Variants in TTLL7 observed in about 807,000 individuals in gnomAD.
TTLL7 encodes the protein tubulin tyrosine ligase like 7, also known as tubulin polyglutamylase TTLL7.
A neutral mutation model predicts 120.2 loss-of-function variants in TTLL7; 53 were observed. The ratio of observed to expected loss-of-function variants is 0.44; its 90% CI spans 0.35 to 0.55. The LOEUF is 0.55. Ranked by LOEUF, TTLL7 falls within the 20% of genes least tolerant of loss-of-function variation. TTLL7 has a pLI of 0.00. For synonymous variants in TTLL7, 353 were observed against 351.7 expected (o/e 1.00, Z -0.04); for missense variants, 803 against 1,054.7 (o/e 0.76, Z 3.31).
Position 83,922,776 on chromosome 1 carries a change from ATGT to A in TTLL7, c.1143-1385_1143-1383del, listed in dbSNP as rs1658792057. Among the ~76,000 whole-genome samples, 2 of 148,788 alleles carry A rather than the reference ATGT, an allele frequency of 1.3e-5. 1 individual carries two copies. The highest frequency in any genetic ancestry group is 3.0e-5 in the Non-Finnish European group (2 of 67,022). ...AAAGAGGGCATAATTATATTTGTAT[ATGT>A]TAAAGATTATGCTCTTGGCAGTATA... is the stretch of plus-strand genomic sequence containing the variant. On this transcript the variant is annotated intron_variant, in intron 10 of 20. Transcript: ENST00000260505.
At chr1:83,889,931 T>G in intron 19 of TTLL7, 1 of 458,902 alleles carries the variant, frequency 2.2e-6, no homozygotes, top group East Asian at 6.9e-5. Flanking sequence ...TAAAAGGACA[T>G]GGAATGTTTG....
rs1188479651 is a variant in TTLL7, at chr1:83,917,609, GTCC to G, written c.1579_1581del (p.Gly527del). The G allele has an allele frequency of 1.2e-6, 2 of 1,610,224 alleles. No individual in the cohort carries two copies. The highest frequency in any genetic ancestry group is 1.7e-6 in the Non-Finnish European group (2 of 1,176,820). On this transcript the variant is annotated inframe_deletion, in exon 14 of 21. Coordinates refer to ENST00000260505, the MANE Select transcript of TTLL7 (RefSeq NM_024686.6). ...AAGGTAGAGATATACTGCACCTTTGGTCCTCGAGTCTTGGTAGTTTTTCCCATC... is the reference window on the plus strand; with the variant it reads ...AAGGTAGAGATATACTGCACCTTTGGTCGAGTCTTGGTAGTTTTTCCCATC...
intron 20 of TTLL7, among the ~76,000 whole-genome samples, chr1:83,870,616 A>G (rs1237598756): frequency 6.6e-6 from 1 of 152,238 alleles, no homozygotes; most frequent in Non-Finnish European, 1.5e-5. Context: ...ATTACAGAAT[A>G]TCAAAAACAA....
intron 18 of TTLL7, among the ~76,000 whole-genome samples, chr1:83,897,734 A>G (rs1398375114): frequency 1.3e-5 from 2 of 151,930 alleles, no homozygotes; most frequent in Admixed American, 1.3e-4. Flanking sequence ...GAGATCCACT[A>G]AAGTCTGAGG....
intron 19 of TTLL7, among the ~76,000 whole-genome samples, chr1:83,884,818 A>G (rs1332539269): frequency 6.6e-6 from 1 of 151,678 alleles, no homozygotes; most frequent in Non-Finnish European, 1.5e-5. Flanking sequence ...GCACATGTAT[A>G]CATGTGTAAC....
intron 20 of TTLL7, among the ~76,000 whole-genome samples, chr1:83,875,066 C>T (rs1328761669): frequency 2.0e-5 from 3 of 151,544 alleles, no homozygotes; most frequent in Non-Finnish European, 4.4e-5. Flanking sequence ...ATAAATGTTC[C>T]ATTGAATGAG....
chr1:83,905,282 A>T (rs533169055), intron 17 of TTLL7, among the ~76,000 whole-genome samples: 1 of 151,952 alleles, frequency 6.6e-6, no homozygotes, highest in Non-Finnish European at 1.5e-5. Flanking sequence ...AATATATATA[A>T]CAACAAAATA....
chr1:83,953,582 T>C (rs1443044120), intron 1 of TTLL7, among the ~76,000 whole-genome samples: 2 of 152,182 alleles, frequency 1.3e-5, no homozygotes, highest in Non-Finnish European at 2.9e-5. Context: ...GGGGAACTTT[T>C]ATTTATTACA....
chr1:83,994,315 A>G (rs988769130), intron 1 of TTLL7, among the ~76,000 whole-genome samples: 2 of 152,146 alleles, frequency 1.3e-5, no homozygotes, highest in Non-Finnish European at 2.9e-5. Context: ...ACTGGCTCTC[A>G]TAGACACTTA....
At chr1:83,919,654 T>C (rs1478263649) in intron 13 of TTLL7, 45 bp downstream of exon 13, 1 of 1,547,506 alleles carries the variant, frequency 6.5e-7, no homozygotes, top group Non-Finnish European at 8.8e-7. Flanking sequence ...AGACATATTG[T>C]TTAGCTTTAT....
In TTLL7 at chr1:83,868,069, A is replaced by T. The variant is rs1653037311; in HGVS notation, c.*1893T>A. 1 of 152,190 alleles carries T rather than the reference A, an allele frequency of 6.6e-6. No homozygotes were observed. Among genetic ancestry groups the T allele is most frequent in the Non-Finnish European group, 1.5e-5 (1 of 68,002 alleles). The allele number at this position is 152,190 out of a possible 1,614,324, so 9.4% of individuals were successfully genotyped here. A position where few individuals can be genotyped will look rare whatever the true frequency, so the allele number is the denominator to read the frequency against. ...AGTAGCTAGCAATAATTTGGGAAAT[A>T]AACAAATCATTTCAGCCTAAAAAAG... On this transcript the variant is annotated 3_prime_UTR_variant, in exon 21 of 21. Transcript: ENST00000260505.
In TTLL7 at chr1:83,907,666, C is replaced by G; in HGVS notation, c.1787-5G>C. The G allele has an allele frequency of 6.2e-7, 1 of 1,611,424 alleles. No individual in the cohort carries two copies. Among genetic ancestry groups the G allele is most frequent in the South Asian group, 1.1e-5 (1 of 90,820 alleles). ...TGACTGAACGTCTTATGGAGCCTAT[C>G]AGTGATGGAGAAGAGGGATACTACA... On this transcript the variant is annotated splice_polypyrimidine_tract_variant and splice_region_variant and intron_variant, in intron 15 of 20. Transcript: ENST00000260505.
chr1:83,960,594 G>C (rs1361702548), intron 1 of TTLL7, among the ~76,000 whole-genome samples: 1 of 152,050 alleles, frequency 6.6e-6, no homozygotes, highest in Non-Finnish European at 1.5e-5. Context: ...TTTCAGCTTT[G>C]TATTTGCAAT....
intron 19 of TTLL7, chr1:83,887,415 G>C (rs980141090): frequency 4.5e-6 from 1 of 220,992 alleles, no homozygotes; most frequent in African/African-American, 2.4e-5. Context: ...TGATTCAAAG[G>C]ATAAAGAAGA....
rs1288778044 is a variant in TTLL7, at chr1:83,904,130, G to A, written c.2157C>T (p.Thr719=). 6.2e-7 allele frequency: 1 copy of A among 1,611,844 alleles called. No individual in the cohort carries two copies. Among genetic ancestry groups the A allele is most frequent in the Non-Finnish European group, 8.5e-7 (1 of 1,178,854 alleles). ...DIIDNWKYHK[T]KVASYWLIKL... ...TTATGAGCCAATATGAAGCCACTTT[G>A]GTTTTATGATACTTCCAGTTATCAA... is the stretch of plus-strand genomic sequence containing the variant. The change falls in exon 18 of 21, where the codon ACC becomes ACT. Residue 719 remains threonine (T), a synonymous_variant. Coordinates refer to ENST00000260505, the MANE Select transcript of TTLL7 (RefSeq NM_024686.6).
At chr1:83,920,830 A>G (rs1482492415) in intron 12 of TTLL7, among the ~76,000 whole-genome samples, 1 of 152,128 alleles carries the variant, frequency 6.6e-6, no homozygotes, top group Non-Finnish European at 1.5e-5. Flanking sequence ...AGACCACATT[A>G]TAACTAAATA....
At chr1:83,948,264 C>T (rs1648706410) in intron 5 of TTLL7, among the ~76,000 whole-genome samples, 1 of 151,480 alleles carries the variant, frequency 6.6e-6, no homozygotes, top group African/African-American at 2.4e-5. Context: ...TGAAAATAAA[C>T]AAGTATCTCT....
At chr1:83,984,230 A>C (rs1401838234) in intron 1 of TTLL7, 2 of 152,276 alleles carry the variant, frequency 1.3e-5, no homozygotes, top group African/African-American at 4.8e-5. Context: ...ACCATCTCGC[A>C]TCAGTCAGAA....
chr1:83,869,842 C>CATATATATGTGTGAAA lies in TTLL7; in HGVS notation c.*119_*120insTTTCACACATATATAT. ...GTGCATATGTGCATATATTTTCACA[C>CATATATATGTGTGAAA]ATATATATGTCTTATATACATAAAA... On this transcript the variant is annotated 3_prime_UTR_variant, in exon 21 of 21. Coordinates refer to ENST00000260505, the MANE Select transcript of TTLL7 (RefSeq NM_024686.6). 9.7e-7 allele frequency: 1 copy of CATATATATGTGTGAAA among 1,034,050 alleles called. No individual in the cohort carries two copies. Among genetic ancestry groups the CATATATATGTGTGAAA allele is most frequent in the Non-Finnish European group, 1.4e-6 (1 of 728,754 alleles). The allele number at this position is 1,034,050 out of a possible 1,614,324, so 64.1% of individuals were successfully genotyped here. A position where few individuals can be genotyped will look rare whatever the true frequency, so the allele number is the denominator to read the frequency against.
Sources: allele counts gnomAD v4.1 joint callset (sites outside exome capture counted in the v4.1 genomes callset), GRCh38; gene constraint gnomAD v4.1.1; transcripts MANE v1.5; gene names NCBI Gene and HGNC (gene_info 2026-07-23, HGNC 2026-07-21).